Variants in MATN1 observed in about 807,000 individuals in gnomAD.
The protein encoded by MATN1 is matrilin 1, also known as matrilin-1.
Under a neutral mutation model 41.3 loss-of-function variants are expected in MATN1, and 34 were observed. The observed-to-expected ratio is 0.82, with a 90% confidence interval of 0.63 to 1.10. The LOEUF is 1.10. Among genes scored for constraint, MATN1 ranks in the 50% least tolerant of loss-of-function variants. The pLI is 0.00. For missense variants in MATN1, 602 were observed against 662.4 expected (o/e 0.91, Z 1.00); for synonymous variants, 264 against 278.7 (o/e 0.95, Z 0.53).
rs1461914821 is a variant in MATN1 at position 30,715,299 on chromosome 1, C to T, written c.1218G>A (p.Met406Ile). ...CGGCATTGCCCACACCCACAGCAAA[C>T]ATCTTAAAGCCTGCCAGGAGGAACA... ...AKKAKDLGFK[M>I]FAVGVGNAVE... The change falls in exon 6 of 8, where the codon ATG becomes ATA. Residue 406 changes from methionine (M) to isoleucine (I), a missense_variant. By Grantham distance (10) the Met-to-Ile change is conservative (BLOSUM62 1). Coordinates refer to ENST00000373765, the MANE Select transcript of MATN1 (RefSeq NM_002379.3). 6.2e-7 allele frequency: 1 copy of T among 1,614,180 alleles called. No individual in the cohort carries two copies. The highest frequency in any genetic ancestry group is 8.5e-7 in the Non-Finnish European group (1 of 1,180,014).
rs1034734519 is a variant in MATN1, at chr1:30,723,330, C to G, written c.94+128G>C. The G allele has an allele frequency of 6.0e-6, 4 of 661,744 alleles. No individual in the cohort carries two copies. The African/African-American group carries it at 7.7e-5, about 13-fold the overall frequency. 41.0% of individuals were successfully genotyped at this position (661,744 alleles called of 1,614,324 possible). On this transcript the variant is annotated intron_variant, in intron 1 of 7. Coordinates refer to ENST00000373765, the MANE Select transcript of MATN1 (RefSeq NM_002379.3). ...GCTCCTGCACCAGCCCACTGCCCAC[C>G]ACTGCCGCCCTGCTCCCTTCCCCAT...
At position 30,723,583 on chromosome 1, in the gene MATN1, G is replaced by A; in HGVS notation, c.-32C>T. The stretch of plus-strand genomic sequence containing the variant: ...GGCAGCACGGGCAGCAGCCGGCACG[G>A]TTGTGGGACCAGTGGGGTCCAGGTC... On this transcript the variant is annotated 5_prime_UTR_variant, in exon 1 of 8. Transcript: ENST00000373765. 2 of 1,502,322 alleles carry A rather than the reference G, an allele frequency of 1.3e-6. No homozygotes were observed. The highest frequency in any genetic ancestry group is 1.8e-6 in the Non-Finnish European group (2 of 1,111,640). The allele number at this position is 1,502,322 out of a possible 1,614,324, so 93.1% of individuals were successfully genotyped here. A position where few individuals can be genotyped will look rare whatever the true frequency, so the allele number is the denominator to read the frequency against.
chr1:30,714,479 C>G, intron 6 of MATN1, 152 bp from the exon 7 acceptor site: 1 of 662,092 alleles, frequency 1.5e-6, no homozygotes, highest in South Asian at 1.8e-5. Context: ...TATAGATAGT[C>G]CTTGAGACAG....
At chr1:30,714,778 G>A (rs1569826383) in intron 6 of MATN1, among the ~76,000 whole-genome samples, 3 of 152,292 alleles carry the variant, frequency 2.0e-5, no homozygotes, top group East Asian at 3.9e-4. Context: ...TTACCACTAA[G>A]AACCAGCTGG....
rs768820610 is a variant in MATN1 at position 30,715,909 on chromosome 1, C to T, written c.1207G>A (p.Gly403Ser). The change falls in exon 5 of 8, where the codon GGC becomes AGC. Residue 403 changes from glycine (G) to serine (S), a missense_variant and splice_region_variant. Gly to Ser is a moderately conservative substitution (Grantham distance 56). Transcript: ENST00000373765. ...CAGGGTCCAGGCAGGCAACACCTAC[C>T]GAGGTCTTTGGCCTTCTTGGCAGCA... ...NDAAKKAKDL[G>S]FKMFAVGVGN... 5.6e-6 allele frequency: 9 copies of T among 1,610,618 alleles called. No individual in the cohort carries two copies. Among genetic ancestry groups the T allele is most frequent in the South Asian group, 5.5e-5 (5 of 90,830 alleles).
At position 30,715,283 on chromosome 1, in the gene MATN1, C is replaced by T; in HGVS notation, c.1234G>A (p.Gly412Ser). The T allele has an allele frequency of 6.2e-7, 1 of 1,614,204 alleles. No individual in the cohort carries two copies. Among genetic ancestry groups the T allele is most frequent in the Non-Finnish European group, 8.5e-7 (1 of 1,180,040 alleles). Residue 412 changes from glycine to serine, a missense_variant, in exon 6 of 8, where the codon GGC (glycine) becomes AGC (serine). Transcript: ENST00000373765. Reference protein sequence around the residue: ...LGFKMFAVGVGNAVEDELREI... With the variant: ...LGFKMFAVGVSNAVEDELREI... ...CTCAGCTCATCCTCCACGGCATTGCCCACACCCACAGCAAACATCTTAAAG... is the reference window on the plus strand; with the variant it reads ...CTCAGCTCATCCTCCACGGCATTGCTCACACCCACAGCAAACATCTTAAAG...
chr1:30,715,174 T>C lies in MATN1; in HGVS notation c.1343A>G (p.Gln448Arg), dbSNP rs1052105831. The change falls in exon 6 of 8, where the codon CAG becomes CGG. Residue 448 changes from glutamine to arginine, a missense_variant. Transcript: ENST00000373765. ...TCACTCACCCACACAGATCTTCTTC[T>C]GCAACTTCTTGCCTATCTGGTTGAT... is the stretch of plus-strand genomic sequence containing the variant. Reference protein sequence around the residue: ...KTINQIGKKLQKKICVEEDPC... With the variant: ...KTINQIGKKLRKKICVEEDPC... 6.2e-7 allele frequency: 1 copy of C among 1,614,106 alleles called. No individual in the cohort carries two copies. The highest frequency in any genetic ancestry group is 1.3e-5 in the African/African-American group (1 of 74,944).
intron 2 of MATN1, chr1:30,719,320 T>G: frequency 3.3e-5 from 8 of 242,244 alleles, no homozygotes; most frequent in Non-Finnish European, 4.8e-5. Context: ...ACGCCCCTCG[T>G]GCCCCCGGGA....
chr1:30,717,949 G>A (rs2124155462), intron 3 of MATN1, among the ~76,000 whole-genome samples: 1 of 152,220 alleles, frequency 6.6e-6, no homozygotes, highest in East Asian at 1.9e-4. Context: ...CACCGCGCCC[G>A]GCCATAAAAG....
In MATN1 at chr1:30,721,586, C is replaced by G; in HGVS notation, c.260G>C (p.Ser87Thr). The G allele has an allele frequency of 1.9e-6, 3 of 1,613,498 alleles. No individual in the cohort carries two copies. The highest frequency in any genetic ancestry group is 2.5e-6 in the Non-Finnish European group (3 of 1,180,042). Residue 87 changes from serine to threonine, a missense_variant, in exon 2 of 8, where the codon AGC becomes ACC. By Grantham distance (58) the Ser-to-Thr change is moderately conservative. Transcript: ENST00000373765. ...ATRVGMVNYA[S>T]TVKQEFSLRA... Reference sequence around the variant, plus strand: ...CAGCGAGAACTCCTGCTTCACGGTGCTGGCATAGTTGACCATGCCCACCCG... The same window carrying G: ...CAGCGAGAACTCCTGCTTCACGGTGGTGGCATAGTTGACCATGCCCACCCG...
At chr1:30,721,987 C>T (rs1569838116) in intron 1 of MATN1, among the ~76,000 whole-genome samples, 1 of 67,870 alleles carries the variant, frequency 1.5e-5, no homozygotes, top group African/African-American at 5.1e-5. Flanking sequence ...GGCCTTGGGC[C>T]ATTTGCTTCA....
At chr1:30,721,335 C>T (rs1054282405) in intron 2 of MATN1, 70 bp downstream of exon 2, 28 of 1,413,332 alleles carry the variant, frequency 2.0e-5, no homozygotes, top group Non-Finnish European at 2.5e-5. Context: ...AAAGTGTCTG[C>T]AGGCAAAGCT....
At chr1:30,715,056 C>T (rs1569826704) in intron 6 of MATN1, 101 bp downstream of exon 6, 8 of 1,427,030 alleles carry the variant, frequency 5.6e-6, no homozygotes, top group Non-Finnish European at 1.9e-6. Flanking sequence ...GGTGCCACCT[C>T]GGCCCCTGCT....
In MATN1 at chr1:30,721,737, T is replaced by C; in HGVS notation, c.109A>G (p.Thr37Ala). The C allele has an allele frequency of 6.2e-7, 1 of 1,609,518 alleles. No homozygotes were observed. Among genetic ancestry groups the C allele is most frequent in the African/African-American group, 1.3e-5 (1 of 75,030 alleles). ...APQSRGHLCR[T>A]RPTDLVFVVD... ...ACAAACACCAGGTCTGTGGGCCGCG[T>C]CCGGCAGAGATGGCCTGGGAGTGGG... The change falls in exon 2 of 8, where the codon ACG (threonine) becomes GCG (alanine). Residue 37 changes from threonine to alanine, a missense_variant. Coordinates refer to ENST00000373765, the MANE Select transcript of MATN1 (RefSeq NM_002379.3).
rs1023729076 is a variant in MATN1 at position 30,718,945 on chromosome 1, C to A, written c.454G>T (p.Val152Leu). Reference sequence around the variant, plus strand: ...CTGTCCTGGGGCCTCCCGTCTGTCACCACGATGACCACCTGCGACACGCGG... The same window carrying A: ...CTGTCCTGGGGCCTCCCGTCTGTCAACACGATGACCACCTGCGACACGCGG... ...SPDISKVVIV[V>L]TDGRPQDSVQ... Residue 152 changes from valine to leucine, a missense_variant, in exon 3 of 8, where the codon GTG (valine) becomes TTG (leucine). Coordinates refer to ENST00000373765, the MANE Select transcript of MATN1 (RefSeq NM_002379.3). 1.3e-6 allele frequency: 2 copies of A among 1,510,220 alleles called. No homozygotes were observed. The highest frequency in any genetic ancestry group is 1.8e-6 in the Non-Finnish European group (2 of 1,131,622). 93.6% of individuals were successfully genotyped at this position (1,510,220 alleles called of 1,614,324 possible).
chr1:30,713,732 T>A, intron 7 of MATN1, 101 bp from the exon 8 acceptor site: 1 of 874,694 alleles, frequency 1.1e-6, no homozygotes, highest in Admixed American at 2.0e-5. Flanking sequence ...ACAGCGTGCA[T>A]TCTCCCCTCT....
rs192641932 is a variant in MATN1 at position 30,719,002 on chromosome 1, C to T, written c.442-45G>A. 79 of 1,411,238 alleles carry T rather than the reference C, an allele frequency of 5.6e-5. 1 individual carries two copies. The East Asian group carries it at 2.0e-3, about 36-fold the overall frequency. 87.4% of individuals were successfully genotyped at this position (1,411,238 alleles called of 1,614,324 possible). ...GTGACACCGGGCTCCCGGAAGCCCACGGGACTGTCCAGGAGAGGAGGCTGA... is the reference window on the plus strand; with the variant it reads ...GTGACACCGGGCTCCCGGAAGCCCATGGGACTGTCCAGGAGAGGAGGCTGA... On this transcript the variant is annotated intron_variant, in intron 2 of 7. Coordinates refer to ENST00000373765, the MANE Select transcript of MATN1 (RefSeq NM_002379.3).
intron 6 of MATN1, 25 bp downstream of exon 6, chr1:30,715,132 C>T: frequency 6.2e-7 from 1 of 1,611,682 alleles, no homozygotes; most frequent in Non-Finnish European, 8.5e-7. Context: ...CAAATCCCAT[C>T]AATGCCAGCC....
At chr1:30,717,776 T>G (rs538950016) in intron 3 of MATN1, among the ~76,000 whole-genome samples, 2 of 151,222 alleles carry the variant, frequency 1.3e-5, no homozygotes. Flanking sequence ...TGGCGCAGCC[T>G]CCCGAGTAGC....
Sources: gnomAD v4.1 joint callset for allele counts (sites outside exome capture counted in the v4.1 genomes callset) on GRCh38, gnomAD v4.1.1 for gene constraint, MANE v1.5 for transcripts, NCBI Gene and HGNC (gene_info 2026-07-23, HGNC 2026-07-21) for gene names.